NEK10: variants seen among roughly 807,000 people sequenced by gnomAD.
NEK10 encodes the protein serine/threonine-protein kinase Nek10.
NEK10 carries 122 observed loss-of-function variants against 159.8 expected under a neutral mutation model. That is an observed-to-expected ratio of 0.76 (90% CI 0.66 to 0.89). The LOEUF (loss-of-function observed/expected upper bound fraction) is 0.89, where lower values mean the gene tolerates loss of function less well. Among genes scored for constraint, NEK10 ranks in the 40% least tolerant of loss-of-function variants. The pLI is 0.00. For synonymous variants in NEK10, 466 were observed against 457.1 expected (o/e 1.02, Z -0.25); for missense variants, 1,342 against 1,323.1 (o/e 1.01, Z -0.22).
intron 23 of NEK10, chr3:27,255,249 G>A (rs1229930456): frequency 4.8e-6 from 2 of 417,788 alleles, no homozygotes; most frequent in Admixed American, 5.3e-5. Flanking sequence ...TAAGCTTGCA[G>A]CTTACAAGGT....
At chr3:27,139,703 T>C (rs1943582072) in intron 31 of NEK10, among the ~76,000 whole-genome samples, 1 of 152,166 alleles carries the variant, frequency 6.6e-6, no homozygotes, top group South Asian at 2.1e-4. Flanking sequence ...TACTTAACCA[T>C]GGTCTGTGTT....
At chr3:27,326,194 G>T (rs920033164) in intron 5 of NEK10, among the ~76,000 whole-genome samples, 7 of 152,182 alleles carry the variant, frequency 4.6e-5, no homozygotes, top group Non-Finnish European at 8.8e-5. Flanking sequence ...ATACAGAGAG[G>T]ATATCTTTAA....
chr3:27,177,774 C>T (rs991936752), intron 26 of NEK10, among the ~76,000 whole-genome samples: 1 of 152,088 alleles, frequency 6.6e-6, no homozygotes, highest in Non-Finnish European at 1.5e-5. Context: ...TAGTGCTTTG[C>T]ACAATGCCTT....
chr3:27,107,645 C>T lies in NEK10; in HGVS notation c.*3627G>A, dbSNP rs889205469. ...CACCCAAGGAGTCAATGTCAATATT[C>T]GGAAGCATTAAGCTTCCCTTACGTT... On this transcript the variant is annotated 3_prime_UTR_variant, in exon 36 of 36. Transcript: ENST00000691995. Among the ~76,000 whole-genome samples the T allele has an allele frequency of 6.6e-5, 10 of 152,106 alleles. No individual in the cohort carries two copies. The highest frequency in any genetic ancestry group is 2.4e-4 in the African/African-American group (10 of 41,414).
rs1010734158 is a variant in NEK10, at chr3:27,220,642, CT to C, written c.2091-18086del. ...TGATCTACAGATTCAACACAATTGG[CT>C]TTTTTTTTTCTTGCAGAAATTGACA... On this transcript the variant is annotated intron_variant, in intron 23 of 35. Transcript: ENST00000691995. Among the ~76,000 whole-genome samples the C allele has an allele frequency of 1.4e-3, 207 of 149,018 alleles. No homozygotes were observed. In the Middle Eastern group the frequency reaches 0.017, roughly 12 times the overall value.
At chr3:27,296,726 A>G (rs766953540) in intron 14 of NEK10, among the ~76,000 whole-genome samples, 35 of 152,222 alleles carry the variant, frequency 2.3e-4, no homozygotes, top group Non-Finnish European at 5.1e-4. Context: ...CTGTACATAT[A>G]GTAGATTAAT....
rs1483755669 is a variant in NEK10, at chr3:27,107,769, A to G, written c.*3503T>C. Among the ~76,000 whole-genome samples, 2 of 152,180 alleles carry G rather than the reference A, an allele frequency of 1.3e-5. No homozygotes were observed. Among genetic ancestry groups the G allele is most frequent in the Non-Finnish European group, 2.9e-5 (2 of 68,022 alleles). On this transcript the variant is annotated 3_prime_UTR_variant, in exon 36 of 36. Transcript: ENST00000691995. ...AGTGATTTCAGTGCTCATGAAAACC[A>G]TCATAGAAAAAGTAAAAGGCAATGA...
intron 32 of NEK10, among the ~76,000 whole-genome samples, chr3:27,127,067 T>C (rs1942048038): frequency 6.6e-6 from 1 of 152,090 alleles, no homozygotes; most frequent in African/African-American, 2.4e-5. Context: ...ACTTCAAACA[T>C]TTACAAAAGT....
chr3:27,141,764 T>C (rs962531266), intron 30 of NEK10, among the ~76,000 whole-genome samples, 182 bp from the exon 31 acceptor site: 2 of 152,212 alleles, frequency 1.3e-5, no homozygotes, highest in Non-Finnish European at 2.9e-5. Flanking sequence ...ATCTTCCCTT[T>C]ACTTCTCAGA....
intron 23 of NEK10, among the ~76,000 whole-genome samples, chr3:27,218,570 A>G (rs998355961): frequency 1.4e-5 from 2 of 142,394 alleles, no homozygotes; most frequent in Admixed American, 7.6e-5. Flanking sequence ...ACGCCACTGC[A>G]CTCCAGCCTG....
At position 27,159,463 on chromosome 3, in the gene NEK10, CAT is replaced by C. The variant is rs576696775; in HGVS notation, c.2869+3236_2869+3237del. 9.3e-4 allele frequency among the ~76,000 whole-genome samples: 141 copies of C among 152,220 alleles called. 1 individual carries two copies. Among genetic ancestry groups the C allele is most frequent in the African/African-American group, 3.3e-3 (135 of 41,538 alleles). On this transcript the variant is annotated intron_variant, in intron 30 of 35. Transcript: ENST00000691995. ...AATTATAGTACATATAGTTCTCAGACATAGGCAAATTTGTACCATGGTAATTC... is the reference window on the plus strand; with the variant it reads ...AATTATAGTACATATAGTTCTCAGACAGGCAAATTTGTACCATGGTAATTC...
At chr3:27,364,728 T>C (rs1224640552) in intron 1 of NEK10, among the ~76,000 whole-genome samples, 1 of 152,206 alleles carries the variant, frequency 6.6e-6, no homozygotes, top group Non-Finnish European at 1.5e-5. Flanking sequence ...CTGAGGTGAT[T>C]AGTATTATAT....
intron 25 of NEK10, among the ~76,000 whole-genome samples, chr3:27,197,627 C>T (rs1207031166): frequency 6.6e-6 from 1 of 152,136 alleles, no homozygotes; most frequent in Non-Finnish European, 1.5e-5. Context: ...TTGTATCCTG[C>T]AACTTCGCTG....
intron 5 of NEK10, among the ~76,000 whole-genome samples, chr3:27,343,399 C>T (rs1371029138): frequency 1.3e-5 from 2 of 152,072 alleles, no homozygotes; most frequent in African/African-American, 4.8e-5. Context: ...ATTAATACTC[C>T]TATTTTTATT....
rs145384650 is a variant in NEK10, at chr3:27,270,878, T to TAA, written c.2014+13722_2014+13723dup. 4.4e-3 allele frequency among the ~76,000 whole-genome samples: 671 copies of TAA among 151,270 alleles called. 3 individuals carry two copies. Among genetic ancestry groups the TAA allele is most frequent in the Middle Eastern group, 0.014 (4 of 290 alleles). ...AGAATGACTTTTCTAGTACACACTA[T>TAA]AAAAAAAAAGTCCTCTCCTTCAATA... is the stretch of plus-strand genomic sequence containing the variant. On this transcript the variant is annotated intron_variant, in intron 22 of 35. Transcript: ENST00000691995.
rs1211599577 is a variant in NEK10, at chr3:27,119,782, G to C, written c.3168C>G (p.Ser1056Arg). ...HLLHRSSGGN[S>R]LSPNDPTGLP... ...TACCTGTAGGGTCATTTGGGGACAG[G>C]CTGTTTCCACCGGATGAACGATGTA... The change falls in exon 33 of 36, where the codon AGC (serine) becomes AGG (arginine). Residue 1056 changes from serine (S) to arginine (R), a missense_variant. Physicochemically the swap from Ser to Arg is moderately radical, Grantham distance 110. Coordinates refer to ENST00000691995, the MANE Select transcript of NEK10 (RefSeq NM_001394966.1). 1.2e-6 allele frequency: 2 copies of C among 1,613,802 alleles called. No homozygotes were observed. Among genetic ancestry groups the C allele is most frequent in the Admixed American group, 3.3e-5 (2 of 60,016 alleles).
At chr3:27,341,679 T>A (rs2047211976) in intron 5 of NEK10, among the ~76,000 whole-genome samples, 1 of 152,128 alleles carries the variant, frequency 6.6e-6, no homozygotes, top group Non-Finnish European at 1.5e-5. Context: ...ATCTGGCAAT[T>A]TCATTCTGAG....
At chr3:27,205,066 A>G (rs1472993490) in intron 23 of NEK10, among the ~76,000 whole-genome samples, 2 of 151,780 alleles carry the variant, frequency 1.3e-5, no homozygotes, top group African/African-American at 4.8e-5. Context: ...GCTAGTGATG[A>G]TGAGCATTTT....
chr3:27,149,582 C>A, intron 30 of NEK10, among the ~76,000 whole-genome samples: 1 of 152,142 alleles, frequency 6.6e-6, no homozygotes, highest in East Asian at 1.9e-4. Context: ...GCACCACAAA[C>A]TGCACTCATA....
Sources: gnomAD v4.1 joint callset for allele counts (sites outside exome capture counted in the v4.1 genomes callset) on GRCh38, gnomAD v4.1.1 for gene constraint, MANE v1.5 for transcripts, NCBI Gene and HGNC (gene_info 2026-07-23, HGNC 2026-07-21) for gene names.